The following ZCCHC24 variants were observed in gnomAD, a reference collection of about 807,000 sequenced individuals.
ZCCHC24 encodes the protein zinc finger CCHC-type containing 24, also known as zinc finger CCHC domain-containing protein 24.
Under a neutral mutation model 26.2 loss-of-function variants are expected in ZCCHC24, and 10 were observed. The observed-to-expected ratio is 0.38, with a 90% CI of 0.24 to 0.65. The LOEUF is 0.65. Ranked by LOEUF, ZCCHC24 falls within the 30% of genes least tolerant of loss-of-function variation. The pLI is 0.54. For missense variants in ZCCHC24, 243 were observed against 329.1 expected (o/e 0.74, Z 2.03); for synonymous variants, 144 against 147.1 (o/e 0.98, Z 0.15).
intron 3 of ZCCHC24, among the ~76,000 whole-genome samples, chr10:79,392,001 TTCCAC>T (rs1856485816): frequency 6.6e-6 from 1 of 151,662 alleles, no homozygotes; most frequent in Non-Finnish European, 1.5e-5. Context: ...TCTCCTTCCA[TTCCAC>T]TGGCTCCCAG....
chr10:79,442,728 G>T (rs1198750997), intron 1 of ZCCHC24, among the ~76,000 whole-genome samples: 1 of 152,228 alleles, frequency 6.6e-6, no homozygotes, highest in East Asian at 1.9e-4. Flanking sequence ...CCAGCCCCTT[G>T]GTGGCATTGG....
chr10:79,389,725 C>T (rs1856450188), intron 3 of ZCCHC24, among the ~76,000 whole-genome samples: 1 of 152,102 alleles, frequency 6.6e-6, no homozygotes, highest in Admixed American at 6.5e-5. Flanking sequence ...GAGTGATTCT[C>T]CTGCCTCAGC....
At chr10:79,406,491 T>C (rs1856715557) in intron 2 of ZCCHC24, among the ~76,000 whole-genome samples, 1 of 152,298 alleles carries the variant, frequency 6.6e-6, no homozygotes, top group South Asian at 2.1e-4. Context: ...ATTCCCAAAC[T>C]GACCTTTCTC....
At chr10:79,442,779 T>C (rs1857307563) in intron 1 of ZCCHC24, among the ~76,000 whole-genome samples, 1 of 152,122 alleles carries the variant, frequency 6.6e-6, no homozygotes, top group Admixed American at 6.5e-5. Context: ...CCAGTTGCTA[T>C]TTTGGAGCCA....
At chr10:79,397,324 C>T (rs570950349) in intron 2 of ZCCHC24, among the ~76,000 whole-genome samples, 2 of 152,330 alleles carry the variant, frequency 1.3e-5, no homozygotes, top group South Asian at 4.1e-4. Context: ...AGGGGTCAGC[C>T]ACACCCAGGG....
intron 1 of ZCCHC24, among the ~76,000 whole-genome samples, chr10:79,441,977 C>T (rs1362192701): frequency 1.3e-5 from 2 of 152,212 alleles, no homozygotes; most frequent in Admixed American, 6.5e-5. Flanking sequence ...CCAGAAATGA[C>T]TCCCATAGCC....
intron 3 of ZCCHC24, 101 bp downstream of exon 3, chr10:79,394,175 T>C: frequency 6.8e-7 from 1 of 1,466,540 alleles, no homozygotes; most frequent in Non-Finnish European, 9.2e-7. Context: ...AGGGTCAACT[T>C]AGAGAGATCT....
At chr10:79,444,267 G>T in intron 1 of ZCCHC24, 1 of 1,433,132 alleles carries the variant, frequency 7.0e-7, no homozygotes, top group Admixed American at 3.0e-5. Flanking sequence ...GAGGGGAGGA[G>T]TCCAGCCCAC....
chr10:79,441,079 AACACACAC>A (rs55762333), intron 1 of ZCCHC24, among the ~76,000 whole-genome samples: 40 of 135,662 alleles, frequency 2.9e-4, no homozygotes, highest in Middle Eastern at 3.7e-3. Flanking sequence ...CTGCCCCCTA[AACACACAC>A]ACACACACAC....
rs1856382248 is a variant in ZCCHC24, at chr10:79,385,780, G to A, written c.*565C>T. ...ATGCCAGTGATGTCAGAGGGGGTCT[G>A]GATTTGGGGCTTAAGGTGGGCAAGG... On this transcript the variant is annotated 3_prime_UTR_variant, in exon 4 of 4. Coordinates refer to ENST00000372336, the MANE Select transcript of ZCCHC24 (RefSeq NM_153367.4). The surrounding 1 kb of genome is among the most constrained non-coding windows in gnomAD (Gnocchi z 4.3). The A allele has an allele frequency of 5.6e-6, 1 of 177,212 alleles. No individual in the cohort carries two copies. The highest frequency in any genetic ancestry group is 1.2e-5 in the Non-Finnish European group (1 of 84,820). The allele number at this position is 177,212 out of a possible 1,614,324, so 11.0% of individuals were successfully genotyped here.
chr10:79,408,177 G>A (rs1301630244), intron 2 of ZCCHC24, among the ~76,000 whole-genome samples: 2 of 152,214 alleles, frequency 1.3e-5, no homozygotes, highest in Non-Finnish European at 2.9e-5. Flanking sequence ...AGCTACAGAT[G>A]TGGAGGCTGG....
At chr10:79,389,564 G>GTGTC (rs1554839977) in intron 3 of ZCCHC24, among the ~76,000 whole-genome samples, 3 of 150,426 alleles carry the variant, frequency 2.0e-5, no homozygotes, top group Admixed American at 2.0e-4. Context: ...GTGTGTGTGT[G>GTGTC]TGTCTGTGTG....
chr10:79,386,937 G>C (rs1014699287), intron 3 of ZCCHC24, among the ~76,000 whole-genome samples: 3 of 152,160 alleles, frequency 2.0e-5, no homozygotes, highest in Admixed American at 1.3e-4. Context: ...CCACAGCAAC[G>C]GAGGCCTGGA....
intron 1 of ZCCHC24, chr10:79,444,243 G>A: frequency 1.4e-6 from 2 of 1,467,492 alleles, no homozygotes; most frequent in Non-Finnish European, 1.8e-6. Context: ...AAATGAGGCA[G>A]GAGTAAATGG....
chr10:79,410,926 G>A (rs192276919), intron 2 of ZCCHC24, among the ~76,000 whole-genome samples: 130 of 152,266 alleles, frequency 8.5e-4, no homozygotes, highest in Non-Finnish European at 1.1e-3. Flanking sequence ...CCAGGTGTGT[G>A]GCCTCAATCA....
intron 2 of ZCCHC24, among the ~76,000 whole-genome samples, chr10:79,419,154 A>T (rs1314442036): frequency 6.6e-6 from 1 of 152,164 alleles, no homozygotes; most frequent in Non-Finnish European, 1.5e-5. Flanking sequence ...GCTGCTTCTC[A>T]TCTCCCTCAC....
chr10:79,400,286 A>T (rs1348417316), intron 2 of ZCCHC24, among the ~76,000 whole-genome samples: 2 of 152,268 alleles, frequency 1.3e-5, no homozygotes, highest in African/African-American at 4.8e-5. Flanking sequence ...AATGTCCATT[A>T]CAGCATGAGT....
intron 1 of ZCCHC24, among the ~76,000 whole-genome samples, chr10:79,434,609 G>A (rs745629715): frequency 3.3e-5 from 5 of 152,138 alleles, no homozygotes; most frequent in African/African-American, 4.8e-5. Context: ...ACATGAGTGT[G>A]CCCCAACCTG....
intron 2 of ZCCHC24, among the ~76,000 whole-genome samples, chr10:79,402,337 G>A (rs1313788484): frequency 2.6e-5 from 4 of 151,950 alleles, no homozygotes; most frequent in Admixed American, 1.3e-4. Context: ...GTGCAGTGGC[G>A]TGATCTCCGC....
Sources: allele counts gnomAD v4.1 joint callset (sites outside exome capture counted in the v4.1 genomes callset), GRCh38; gene constraint gnomAD v4.1.1; non-coding constraint Gnocchi (gnomAD v3.1); transcripts MANE v1.5; gene names NCBI Gene and HGNC (gene_info 2026-07-23, HGNC 2026-07-21).